The following VPS13B variants were observed in gnomAD, a reference collection of about 807,000 sequenced individuals.
VPS13B encodes the protein vacuolar protein sorting 13 homolog B, also known as intermembrane lipid transfer protein VPS13B.
In VPS13B, 285 loss-of-function variants were observed where a neutral mutation model predicts 426.4. The ratio of observed to expected loss-of-function variants is 0.67; its 90% CI spans 0.61 to 0.74. The LOEUF is 0.74. VPS13B is among the 30% of genes least tolerant of loss of function. The probability of loss-of-function intolerance (pLI) is 0.00; values close to 1 mark genes in which losing one functional copy is unlikely to be tolerated. For missense variants in VPS13B, 4,537 were observed against 4,782.6 expected, an observed-to-expected ratio of 0.95 and a Z score of 1.51; for synonymous variants, 1,676 against 1,676.4, an observed-to-expected ratio of 1.00 and a Z score of 0.01.
rs748374112 is a variant in VPS13B, at chr8:99,720,520, G to A, written c.6833G>A (p.Arg2278Gln). The change falls in exon 38 of 62, where the codon CGG (arginine) becomes CAG (glutamine). Residue 2278 changes from arginine to glutamine, a missense_variant. By Grantham distance (43) the Arg-to-Gln change is conservative. Around this residue, in one of 2 missense-constraint regions of VPS13B, gnomAD observed 4,311 missense variants for 4,474.3 expected, o/e 0.96. Transcript: ENST00000357162. ...FKSEQSSDDLRTGLFQYVQDA... is the reference protein window; with the variant it reads ...FKSEQSSDDLQTGLFQYVQDA... ...AGTGAACAAAGTTCAGATGACCTACGGACAGGTCTATTTCAGTATGTACAG... is the reference window on the plus strand; with the variant it reads ...AGTGAACAAAGTTCAGATGACCTACAGACAGGTCTATTTCAGTATGTACAG... 3.3e-5 allele frequency: 54 copies of A among 1,613,832 alleles called. No individual in the cohort carries two copies. In the Admixed American group the frequency reaches 7.8e-4, roughly 23 times the overall value.
At chr8:99,146,773 A>C (rs968478769) in intron 13 of VPS13B, among the ~76,000 whole-genome samples, 2 of 152,068 alleles carry the variant, frequency 1.3e-5, no homozygotes, top group Non-Finnish European at 2.9e-5. Flanking sequence ...AAGTCTTACT[A>C]TGTTGCCCAG....
rs1307693609 is a variant in VPS13B at position 99,868,153 on chromosome 8, C to T, written c.11216-136C>T. 1.4e-5 allele frequency: 15 copies of T among 1,037,014 alleles called. No individual in the cohort carries two copies. In the East Asian group the frequency reaches 3.9e-4, roughly 27 times the overall value. The allele number at this position is 1,037,014 out of a possible 1,614,324, so 64.2% of individuals were successfully genotyped here. A position where few individuals can be genotyped will look rare whatever the true frequency, so the allele number is the denominator to read the frequency against. On this transcript the variant is annotated intron_variant, in intron 58 of 61. Transcript: ENST00000357162. Reference sequence around the variant, plus strand: ...TTGGTGTACTTAGATAACTGGTAAACAAATGGGTAGTAAAGACCTTTATAA... The same window carrying T: ...TTGGTGTACTTAGATAACTGGTAAATAAATGGGTAGTAAAGACCTTTATAA...
intron 19 of VPS13B, among the ~76,000 whole-genome samples, chr8:99,354,287 TTTTTTTTTTTTTTTTTTTG>T (rs1812062898): frequency 7.4e-6 from 1 of 134,350 alleles, no homozygotes; most frequent in African/African-American, 2.8e-5. Flanking sequence ...TTTTTTTTTT[TTTTTTTTTTTTTTTTTTTG>T]GTATTTCAGA....
intron 19 of VPS13B, among the ~76,000 whole-genome samples, chr8:99,313,049 T>C (rs372003750): frequency 1.3e-5 from 2 of 152,276 alleles, no homozygotes; most frequent in South Asian, 4.1e-4. Context: ...CTGCATTGGT[T>C]ATTCTAGTTA....
At chr8:99,791,355 A>C (rs191780742) in intron 43 of VPS13B, among the ~76,000 whole-genome samples, 11 of 152,260 alleles carry the variant, frequency 7.2e-5, no homozygotes, top group Non-Finnish European at 1.3e-4. Context: ...GCTGGTTTTC[A>C]CAAACAAGTA....
chr8:99,709,034 A>T (rs1832606838), intron 36 of VPS13B, among the ~76,000 whole-genome samples: 2 of 152,128 alleles, frequency 1.3e-5, no homozygotes, highest in Non-Finnish European at 2.9e-5. Flanking sequence ...TGGTTGAAGG[A>T]ATGGAAGACT....
intron 43 of VPS13B, among the ~76,000 whole-genome samples, chr8:99,785,787 G>A (rs1206680110): frequency 6.6e-6 from 1 of 152,050 alleles, no homozygotes; most frequent in Non-Finnish European, 1.5e-5. Context: ...ACCACCTAGA[G>A]AGAACTCATG....
At chr8:99,028,222 G>A (rs1350563167) in intron 2 of VPS13B, among the ~76,000 whole-genome samples, 9 of 151,726 alleles carry the variant, frequency 5.9e-5, no homozygotes, top group Admixed American at 2.6e-4. Context: ...CCAATGAGCC[G>A]CTGGGCACAC....
At chr8:99,666,401 A>G (rs926649818) in intron 35 of VPS13B, among the ~76,000 whole-genome samples, 2 of 152,184 alleles carry the variant, frequency 1.3e-5, no homozygotes, top group African/African-American at 2.4e-5. Flanking sequence ...TCGATGCAAA[A>G]ATCCTCAATA....
intron 25 of VPS13B, among the ~76,000 whole-genome samples, chr8:99,499,337 C>A (rs1380193453): frequency 6.6e-6 from 1 of 152,128 alleles, no homozygotes; most frequent in Non-Finnish European, 1.5e-5. Flanking sequence ...CTGAGGAGTG[C>A]TTACTAAATT....
At chr8:99,679,297 G>A (rs1356022829) in intron 35 of VPS13B, among the ~76,000 whole-genome samples, 1 of 152,064 alleles carries the variant, frequency 6.6e-6, no homozygotes, top group Non-Finnish European at 1.5e-5. Flanking sequence ...GGATGACATA[G>A]GCACCAAAAA....
intron 19 of VPS13B, among the ~76,000 whole-genome samples, chr8:99,353,378 A>G (rs908830281): frequency 2.6e-5 from 4 of 152,334 alleles, no homozygotes; most frequent in Middle Eastern, 3.4e-3. Flanking sequence ...GGAAAATTGC[A>G]TGACTGAAAC....
intron 35 of VPS13B, among the ~76,000 whole-genome samples, chr8:99,683,680 T>C (rs1208627928): frequency 1.3e-5 from 2 of 152,226 alleles, no homozygotes; most frequent in Non-Finnish European, 2.9e-5. Context: ...TTATAGAAAC[T>C]CAATTGATTT....
intron 3 of VPS13B, among the ~76,000 whole-genome samples, chr8:99,064,201 C>T (rs1445871557): frequency 1.3e-5 from 2 of 152,110 alleles, no homozygotes; most frequent in East Asian, 3.8e-4. Flanking sequence ...CCTCTTCTCC[C>T]CCAAAGGATC....
chr8:99,704,486 T>C (rs1331224041), intron 36 of VPS13B, among the ~76,000 whole-genome samples: 3 of 152,296 alleles, frequency 2.0e-5, no homozygotes, highest in East Asian at 3.9e-4. Flanking sequence ...GTAAATTAGA[T>C]ATGACTACCT....
Position 99,819,399 on chromosome 8 carries a change from T to C in VPS13B, c.8622-13T>C. Reference sequence around the variant, plus strand: ...TCTGATAATTATTCTTGGTTTTTATTTCAATTTCCTAGAGAAGAATATGAT... The same window carrying C: ...TCTGATAATTATTCTTGGTTTTTATCTCAATTTCCTAGAGAAGAATATGAT... On this transcript the variant is annotated splice_polypyrimidine_tract_variant and intron_variant, in intron 47 of 61. Transcript: ENST00000357162. 1 of 1,613,406 alleles carries C rather than the reference T, an allele frequency of 6.2e-7. No individual in the cohort carries two copies. Among genetic ancestry groups the C allele is most frequent in the South Asian group, 1.1e-5 (1 of 91,050 alleles).
At chr8:99,560,442 C>G (rs1045781356) in intron 31 of VPS13B, among the ~76,000 whole-genome samples, 3 of 152,236 alleles carry the variant, frequency 2.0e-5, no homozygotes, top group Middle Eastern at 3.4e-3. Context: ...ATATTTTATT[C>G]TAATTACTTA....
chr8:99,720,612 C>T lies in VPS13B; in HGVS notation c.6865+60C>T, dbSNP rs911262273. 28 of 1,534,882 alleles carry T rather than the reference C, an allele frequency of 1.8e-5. 1 individual carries two copies. The Admixed American group carries it at 2.9e-4, about 16-fold the overall frequency. On this transcript the variant is annotated intron_variant, in intron 38 of 61. Transcript: ENST00000357162. ...TGTGCATGTGGTTGCATTTTAAATGCATGTTGACTAAATAAAAACAATCAA... is the reference window on the plus strand; with the variant it reads ...TGTGCATGTGGTTGCATTTTAAATGTATGTTGACTAAATAAAAACAATCAA...
intron 51 of VPS13B, among the ~76,000 whole-genome samples, chr8:99,824,939 G>C (rs951465318): frequency 1.3e-5 from 2 of 152,172 alleles, no homozygotes; most frequent in African/African-American, 4.8e-5. Context: ...AGTGTTCTAT[G>C]CTGTATATGT....
Sources: gnomAD v4.1 joint callset for allele counts (sites outside exome capture counted in the v4.1 genomes callset) on GRCh38, gnomAD v4.1.1 for gene constraint, gnomAD v4.1.1 regional missense constraint, MANE v1.5 for transcripts, NCBI Gene and HGNC (gene_info 2026-07-23, HGNC 2026-07-21) for gene names.